CDKN1A: variants seen among roughly 807,000 people sequenced by gnomAD.
The protein encoded by CDKN1A is cyclin dependent kinase inhibitor 1A.
Under a neutral mutation model 14.8 loss-of-function variants are expected in CDKN1A, and 14 were observed. The ratio of observed to expected loss-of-function variants is 0.94; its 90% CI spans 0.62 to 1.48. The LOEUF (loss-of-function observed/expected upper bound fraction) is 1.48, where lower values mean the gene tolerates loss of function less well. CDKN1A is among the 40% of genes most tolerant of loss of function. The probability of loss-of-function intolerance (pLI) is 0.00; values close to 1 mark genes in which losing one functional copy is unlikely to be tolerated. For synonymous variants in CDKN1A, 92 were observed against 93.5 expected, an observed-to-expected ratio of 0.98 and a Z score of 0.09; for missense variants, 203 against 231.7, an observed-to-expected ratio of 0.88 and a Z score of 0.80.
rs540666701 is a variant in CDKN1A at position 36,686,491 on chromosome 6, C to T, written c.*691C>T. 1 of 236,934 alleles carries T rather than the reference C, an allele frequency of 4.2e-6. No homozygotes were observed. The highest frequency in any genetic ancestry group is 6.0e-5 in the East Asian group (1 of 16,634). The allele number at this position is 236,934 out of a possible 1,614,324, so 14.7% of individuals were successfully genotyped here. On this transcript the variant is annotated 3_prime_UTR_variant, in exon 3 of 3. Coordinates refer to ENST00000244741, the MANE Select transcript of CDKN1A (RefSeq NM_000389.5). The surrounding 1 kb of genome is among the most constrained non-coding windows in gnomAD (Gnocchi z 4.9). ...CCGCCTGCCCTCATGGCCCCTCTGA[C>T]CTGCACTGGGGAGCCCGTCTCAGTG...
chr6:36,681,286 T>TTCTC (rs1437923728), intron 1 of CDKN1A, among the ~76,000 whole-genome samples: 1 of 110,444 alleles, frequency 9.1e-6, no homozygotes, highest in Non-Finnish European at 1.9e-5. Flanking sequence ...CTTTTTTTCT[T>TTCTC]TCTTTCTTTC....
At chr6:36,685,066 C>A (rs1002737804) in intron 2 of CDKN1A, among the ~76,000 whole-genome samples, 1 of 152,164 alleles carries the variant, frequency 6.6e-6, no homozygotes, top group African/African-American at 2.4e-5. Context: ...TCTTGAACTC[C>A]TGAGCTCAAG....
In CDKN1A at chr6:36,684,243, C is replaced by T. The variant is rs1407742055; in HGVS notation, c.142C>T (p.Arg48Ter). 8 of 1,612,100 alleles carry T rather than the reference C, an allele frequency of 5.0e-6. No homozygotes were observed. Among genetic ancestry groups the T allele is most frequent in the South Asian group, 1.1e-5 (1 of 91,082 alleles). ...MAGCIQEARE[R>*]WNFDFVTETP... ...GGGCTGCATCCAGGAGGCCCGTGAG[C>T]GATGGAACTTCGACTTTGTCACCGA... Residue 48 changes from arginine (R) to a stop codon, truncating the protein, a stop_gained, in exon 2 of 3, where the codon CGA (arginine) becomes TGA (stop). Transcript: ENST00000244741. LOFTEE classifies it high-confidence loss of function. This position sits in a 1 kb window ranked among gnomAD's most constrained non-coding sequence, Gnocchi z 6.0.
chr6:36,682,358 G>A (rs1328932871), intron 1 of CDKN1A, among the ~76,000 whole-genome samples: 10 of 152,340 alleles, frequency 6.6e-5, no homozygotes, highest in African/African-American at 2.4e-4. Context: ...GTGGATAGAG[G>A]TTATTTGAGG....
chr6:36,680,178 A>G (rs1006520867), intron 1 of CDKN1A, among the ~76,000 whole-genome samples: 8 of 151,948 alleles, frequency 5.3e-5, no homozygotes, highest in African/African-American at 1.9e-4. Flanking sequence ...AGGACTTGCG[A>G]GCGGTTTTGT....
intron 1 of CDKN1A, chr6:36,680,825 A>G (rs542180103): frequency 1.3e-5 from 2 of 152,390 alleles, no homozygotes; most frequent in African/African-American, 2.4e-5. Flanking sequence ...AGGAAGGCCA[A>G]TAAAGGAGGC....
rs756383281 is a variant in CDKN1A, at chr6:36,684,187, A to G, written c.86A>G (p.Gln29Arg). 3.5e-5 allele frequency: 57 copies of G among 1,611,924 alleles called. No homozygotes were observed. The highest frequency in any genetic ancestry group is 4.7e-5 in the Non-Finnish European group (56 of 1,180,002). ...RRLFGPVDSE[Q>R]LSRDCDALMA... ...CTCTTCGGCCCAGTGGACAGCGAGC[A>G]GCTGAGCCGCGACTGTGATGCGCTA... Residue 29 changes from glutamine (Q) to arginine (R), a missense_variant, in exon 2 of 3, where the codon CAG (glutamine) becomes CGG (arginine). Gln to Arg is a conservative substitution (Grantham distance 43, BLOSUM62 1). Transcript: ENST00000244741. This position sits in a 1 kb window ranked among gnomAD's most constrained non-coding sequence, Gnocchi z 6.0.
chr6:36,681,385 C>CTT (rs1562038391), intron 1 of CDKN1A, among the ~76,000 whole-genome samples: 1 of 76,082 alleles, frequency 1.3e-5, no homozygotes, highest in Admixed American at 1.6e-4. Context: ...TTCTTTCTTT[C>CTT]TTTCTTTCTT....
At chr6:36,679,296 C>T (rs1761816444) in intron 1 of CDKN1A, among the ~76,000 whole-genome samples, 1 of 152,204 alleles carries the variant, frequency 6.6e-6, no homozygotes, top group African/African-American at 2.4e-5. Flanking sequence ...ATCCAATCTG[C>T]GCCGCCCTGG....
intron 2 of CDKN1A, among the ~76,000 whole-genome samples, chr6:36,685,249 A>G (rs1483670204): frequency 2.0e-5 from 3 of 152,200 alleles, no homozygotes; most frequent in Non-Finnish European, 4.4e-5. Context: ...AATAACAACA[A>G]CTACTGACGT....
Position 36,685,843 on chromosome 6 carries a change from C to T in CDKN1A, c.*43C>T, listed in dbSNP as rs755968076. 2.0e-6 allele frequency: 3 copies of T among 1,535,472 alleles called. No homozygotes were observed. The Admixed American group carries it at 5.0e-5, about 26-fold the overall frequency. Reference sequence around the variant, plus strand: ...TGCAGTCCTGGAAGCGCGAGGGCCTCAAAGGCCCGCTCTACATCTTCTGCC... The same window carrying T: ...TGCAGTCCTGGAAGCGCGAGGGCCTTAAAGGCCCGCTCTACATCTTCTGCC... On this transcript the variant is annotated 3_prime_UTR_variant, in exon 3 of 3. Coordinates refer to ENST00000244741, the MANE Select transcript of CDKN1A (RefSeq NM_000389.5).
chr6:36,679,561 C>T (rs1019991679), intron 1 of CDKN1A, among the ~76,000 whole-genome samples: 1 of 152,242 alleles, frequency 6.6e-6, no homozygotes, highest in Non-Finnish European at 1.5e-5. Context: ...GTCCTCCCAT[C>T]GGCACAGTGA....
At position 36,685,872 on chromosome 6, in the gene CDKN1A, G is replaced by A; in HGVS notation, c.*72G>A. On this transcript the variant is annotated 3_prime_UTR_variant, in exon 3 of 3. Transcript: ENST00000244741. ...GGCCCGCTCTACATCTTCTGCCTTAGTCTCAGTTTGTGTGTCTTAATTATT... is the reference window on the plus strand; with the variant it reads ...GGCCCGCTCTACATCTTCTGCCTTAATCTCAGTTTGTGTGTCTTAATTATT... The A allele has an allele frequency of 7.4e-7, 1 of 1,345,212 alleles. No homozygotes were observed. The highest frequency in any genetic ancestry group is 1.4e-5 in the African/African-American group (1 of 69,356). The allele number at this position is 1,345,212 out of a possible 1,614,324, so 83.3% of individuals were successfully genotyped here.
upstream of CDKN1A, chr6:36,677,932 A>C: frequency 7.7e-7 from 1 of 1,306,594 alleles, no homozygotes; most frequent in Non-Finnish European, 1.0e-6. Context: ...TCTTCTGTTC[A>C]GGTGAGTGTA....
chr6:36,678,628 C>T (rs1701698534), upstream of CDKN1A: 2 of 982,020 alleles, frequency 2.0e-6, no homozygotes, highest in Non-Finnish European at 1.2e-6. The surrounding 1 kb of genome is among the most constrained non-coding windows in gnomAD (Gnocchi z 5.7). Flanking sequence ...CCGGGCGGCG[C>T]GGTGGGCCGA....
At chr6:36,676,664 G>A (rs911287362), upstream of CDKN1A, 1 of 152,300 alleles carries the variant, frequency 6.6e-6, no homozygotes, top group Non-Finnish European at 1.5e-5. Flanking sequence ...GCTTGTGTGA[G>A]TGTGTGCTGG....
Position 36,686,383 on chromosome 6 carries a change from G to C in CDKN1A, c.*583G>C. Reference sequence around the variant, plus strand: ...GTGAGCACAGCCTAGGGCTGAGCTGGGGACCTGGTACCCTCCTGGCTCTTG... The same window carrying C: ...GTGAGCACAGCCTAGGGCTGAGCTGCGGACCTGGTACCCTCCTGGCTCTTG... On this transcript the variant is annotated 3_prime_UTR_variant, in exon 3 of 3. Coordinates refer to ENST00000244741, the MANE Select transcript of CDKN1A (RefSeq NM_000389.5). The surrounding 1 kb of genome is among the most constrained non-coding windows in gnomAD (Gnocchi z 4.9). The C allele has an allele frequency of 4.1e-6, 1 of 243,052 alleles. No homozygotes were observed. 15.1% of individuals were successfully genotyped at this position (243,052 alleles called of 1,614,324 possible).
chr6:36,677,709 CA>C, upstream of CDKN1A: 1 of 443,756 alleles, frequency 2.3e-6, no homozygotes, highest in Non-Finnish European at 4.3e-6. Flanking sequence ...TAAAGGATGA[CA>C]AGCAGAGAGC....
chr6:36,676,786 T>A (rs1173649988), upstream of CDKN1A, among the ~76,000 whole-genome samples: 3 of 151,172 alleles, frequency 2.0e-5, no homozygotes, highest in Non-Finnish European at 4.4e-5. Flanking sequence ...GTTGCAAACT[T>A]TTTTTTTTAA....
Sources: gnomAD v4.1 joint callset for allele counts (sites outside exome capture counted in the v4.1 genomes callset) on GRCh38, gnomAD v4.1.1 for gene constraint, Gnocchi (gnomAD v3.1) non-coding constraint, MANE v1.5 for transcripts, NCBI Gene and HGNC (gene_info 2026-07-23, HGNC 2026-07-21) for gene names.